Variants in AGBL4 observed in about 807,000 individuals in gnomAD.
AGBL4 encodes the protein cytosolic carboxypeptidase 6.
A neutral mutation model predicts 66.4 loss-of-function variants in AGBL4; 58 were observed. The ratio of observed to expected loss-of-function variants is 0.87; its 90% confidence interval spans 0.71 to 1.09. AGBL4 has a LOEUF of 1.09. AGBL4 is among the 50% of genes least tolerant of loss of function. The probability of loss-of-function intolerance (pLI) is 0.00; values close to 1 mark genes in which losing one functional copy is unlikely to be tolerated. For synonymous variants in AGBL4, 234 were observed against 222.9 expected (o/e 1.05, Z -0.44); for missense variants, 579 against 631.0 (o/e 0.92, Z 0.88).
intron 2 of AGBL4, among the ~76,000 whole-genome samples, chr1:49,814,505 A>G (rs1645184398): frequency 6.6e-6 from 1 of 152,134 alleles, no homozygotes; most frequent in Admixed American, 6.6e-5. Flanking sequence ...AGGAGACACT[A>G]TATAAATATT....
chr1:48,745,525 C>T (rs534069827), intron 6 of AGBL4, among the ~76,000 whole-genome samples: 6 of 152,260 alleles, frequency 3.9e-5, no homozygotes, highest in African/African-American at 1.4e-4. Context: ...CCACTCTAGG[C>T]AAAGTGGCTG....
At chr1:49,424,716 T>G (rs1208077818) in intron 3 of AGBL4, among the ~76,000 whole-genome samples, 3 of 152,210 alleles carry the variant, frequency 2.0e-5, no homozygotes, top group African/African-American at 7.2e-5. Context: ...CCACGAGGTT[T>G]ACAATGCATG....
In AGBL4 at chr1:49,595,280, G is replaced by T. The variant is rs559126678; in HGVS notation, c.282+102033C>A. Among the ~76,000 whole-genome samples the T allele has an allele frequency of 2.2e-3, 338 of 152,064 alleles. 4 individuals are homozygous for T. Among genetic ancestry groups the T allele is most frequent in the African/African-American group, 7.8e-3 (325 of 41,500 alleles). The stretch of plus-strand genomic sequence containing the variant: ...ATTTTTTTGTATTTTTAGTAGAGAC[G>T]GGGTTTCACAGTGTTAGCCAGGATG... On this transcript the variant is annotated intron_variant, in intron 3 of 13. Transcript: ENST00000371839.
chr1:49,689,585 A>G (rs1414131327), intron 3 of AGBL4, among the ~76,000 whole-genome samples: 1 of 151,804 alleles, frequency 6.6e-6, no homozygotes, highest in Non-Finnish European at 1.5e-5. Flanking sequence ...AAATTTTAGG[A>G]TTTTTTCTAT....
At chr1:49,308,080 G>A (rs537190681) in intron 3 of AGBL4, among the ~76,000 whole-genome samples, 1 of 152,148 alleles carries the variant, frequency 6.6e-6, no homozygotes, top group South Asian at 2.1e-4. Flanking sequence ...CCCTGCTCCT[G>A]AGGCATGCTC....
At chr1:49,032,696 C>T (rs1664329740) in intron 5 of AGBL4, among the ~76,000 whole-genome samples, 1 of 152,070 alleles carries the variant, frequency 6.6e-6, no homozygotes, top group South Asian at 2.1e-4. Flanking sequence ...TAACCCTTGG[C>T]TAAAGAAGCT....
At chr1:48,972,681 C>A (rs1183790939) in intron 5 of AGBL4, among the ~76,000 whole-genome samples, 1 of 152,130 alleles carries the variant, frequency 6.6e-6, no homozygotes, top group Admixed American at 6.5e-5. Flanking sequence ...CAGGGCTCAG[C>A]CTGAAGCCAA....
intron 5 of AGBL4, among the ~76,000 whole-genome samples, chr1:48,936,167 G>C (rs1655457292): frequency 6.6e-6 from 1 of 151,638 alleles, no homozygotes. Context: ...GTGCATGCCT[G>C]TAGTCCCAGC....
rs1255731421 is a variant in AGBL4 at position 49,015,160 on chromosome 1, C to T, written c.594+30424G>A. On this transcript the variant is annotated intron_variant, in intron 5 of 13. Transcript: ENST00000371839. ...AGAACCTTATGTTTCACTCTGGCAT[C>T]CACTTTAGCCCCTGATTGTGTTGGG... is the stretch of plus-strand genomic sequence containing the variant. 3.9e-5 allele frequency among the ~76,000 whole-genome samples: 6 copies of T among 152,240 alleles called. No homozygotes were observed. The East Asian group carries it at 1.2e-3, about 30-fold the overall frequency.
At chr1:49,009,842 A>T (rs1662238523) in intron 5 of AGBL4, among the ~76,000 whole-genome samples, 1 of 152,186 alleles carries the variant, frequency 6.6e-6, no homozygotes, top group Non-Finnish European at 1.5e-5. Flanking sequence ...TTCATGCTAG[A>T]AACTCTCAAT....
chr1:48,951,309 T>G (rs1656966706), intron 5 of AGBL4, among the ~76,000 whole-genome samples: 1 of 151,756 alleles, frequency 6.6e-6, no homozygotes, highest in Non-Finnish European at 1.5e-5. Context: ...TTTGTGTGAC[T>G]ACACTAATCA....
At chr1:48,982,281 A>G (rs544361463) in intron 5 of AGBL4, among the ~76,000 whole-genome samples, 36 of 152,044 alleles carry the variant, frequency 2.4e-4, no homozygotes, top group Non-Finnish European at 4.4e-4. Context: ...GTGCCATGTT[A>G]ATGTGCTGCA....
Position 48,647,745 on chromosome 1 carries a change from T to C in AGBL4, c.839+5592A>G, listed in dbSNP as rs373466612. Reference sequence around the variant, plus strand: ...GGTATAGGTGGGCGTGGGGGCTTTCTTCTCTGCAAAAGAAGTGACGAGGAA... The same window carrying C: ...GGTATAGGTGGGCGTGGGGGCTTTCCTCTCTGCAAAAGAAGTGACGAGGAA... On this transcript the variant is annotated intron_variant, in intron 8 of 13. Transcript: ENST00000371839. The C allele has an allele frequency of 1.6e-4, 52 of 332,434 alleles. 1 individual carries two copies. The highest frequency in any genetic ancestry group is 9.5e-4 in the African/African-American group (44 of 46,502). The allele number at this position is 332,434 out of a possible 1,614,324, so 20.6% of individuals were successfully genotyped here. A position where few individuals can be genotyped will look rare whatever the true frequency, so the allele number is the denominator to read the frequency against.
chr1:49,442,615 A>G (rs1462275868), intron 3 of AGBL4, among the ~76,000 whole-genome samples: 1 of 152,240 alleles, frequency 6.6e-6, no homozygotes, highest in Non-Finnish European at 1.5e-5. Flanking sequence ...ATAGTATTCC[A>G]TTGTGTACAT....
intron 1 of AGBL4, among the ~76,000 whole-genome samples, chr1:49,940,402 A>G (rs1276266031): frequency 9.9e-5 from 15 of 151,864 alleles, no homozygotes; most frequent in Non-Finnish European, 1.8e-4. Context: ...ACATGCACAC[A>G]TATGTTTATT....
chr1:49,084,812 C>T (rs1644875330), intron 4 of AGBL4, among the ~76,000 whole-genome samples: 1 of 152,114 alleles, frequency 6.6e-6, no homozygotes, highest in Non-Finnish European at 1.5e-5. Context: ...TAGAGGGGTT[C>T]CAAATCAATG....
intron 9 of AGBL4, among the ~76,000 whole-genome samples, chr1:48,617,004 T>C (rs1645330066): frequency 1.3e-5 from 2 of 151,840 alleles, no homozygotes; most frequent in South Asian, 4.2e-4. Flanking sequence ...AAGCACATCA[T>C]AGTAGATGTG....
At position 49,729,943 on chromosome 1, in the gene AGBL4, A is replaced by G. The variant is rs187441834; in HGVS notation, c.158-32506T>C. 2.6e-5 allele frequency among the ~76,000 whole-genome samples: 4 copies of G among 152,152 alleles called. No individual in the cohort carries two copies. The East Asian group carries it at 5.8e-4, about 22-fold the overall frequency. ...ATGAGCTGAGCTGCCAGTCCCAGATAGAGTCCATGACCCGAGTGAGAACTT... is the reference window on the plus strand; with the variant it reads ...ATGAGCTGAGCTGCCAGTCCCAGATGGAGTCCATGACCCGAGTGAGAACTT... On this transcript the variant is annotated intron_variant, in intron 2 of 13. Coordinates refer to ENST00000371839, the MANE Select transcript of AGBL4 (RefSeq NM_032785.4).
chr1:49,226,533 T>A lies in AGBL4; in HGVS notation c.377+19237A>T, dbSNP rs374928603. On this transcript the variant is annotated intron_variant, in intron 4 of 13. Transcript: ENST00000371839. ...TCTCCTGATCTCCATATTTATAGGT[T>A]TGACTGCAGCTGGATTCTTTTACCT... 3.4e-4 allele frequency among the ~76,000 whole-genome samples: 52 copies of A among 152,282 alleles called. 1 individual carries two copies. In the South Asian group the frequency reaches 9.5e-3, roughly 28 times the overall value.
Sources: allele counts gnomAD v4.1 joint callset (sites outside exome capture counted in the v4.1 genomes callset), GRCh38; gene constraint gnomAD v4.1.1; transcripts MANE v1.5; gene names NCBI Gene and HGNC (gene_info 2026-07-23, HGNC 2026-07-21).